The following PLEKHG1 variants were observed in gnomAD, a reference collection of about 807,000 sequenced individuals.
The protein encoded by PLEKHG1 is pleckstrin homology domain-containing family G member 1.
A neutral mutation model predicts 100.8 loss-of-function variants in PLEKHG1; 44 were observed. The observed-to-expected ratio is 0.44, with a 90% CI of 0.34 to 0.56. The LOEUF (loss-of-function observed/expected upper bound fraction) is 0.56. Ranked by LOEUF, PLEKHG1 falls within the 20% of genes least tolerant of loss-of-function variation. PLEKHG1 has a pLI of 0.01. For synonymous variants in PLEKHG1, 640 were observed against 662.5 expected, an observed-to-expected ratio of 0.97 and a Z score of 0.52; for missense variants, 1,545 against 1,720.9, an observed-to-expected ratio of 0.90 and a Z score of 1.81.
chr6:150,609,676 T>C (rs983585024), intron 1 of PLEKHG1, among the ~76,000 whole-genome samples: 1 of 152,128 alleles, frequency 6.6e-6, no homozygotes, highest in African/African-American at 2.4e-5. Context: ...GATGCACAAT[T>C]ACCACTCTGC....
intron 3 of PLEKHG1, among the ~76,000 whole-genome samples, chr6:150,652,807 CAATT>C (rs1748778871): frequency 6.6e-6 from 1 of 151,128 alleles, no homozygotes; most frequent in African/African-American, 2.4e-5. Context: ...TAATCTAAAA[CAATT>C]AAAAGCTTAA....
At chr6:150,624,292 T>G (rs2128558599) in intron 1 of PLEKHG1, among the ~76,000 whole-genome samples, 1 of 152,242 alleles carries the variant, frequency 6.6e-6, no homozygotes, top group Non-Finnish European at 1.5e-5. Context: ...CCTCACACCC[T>G]GCCTATCTCT....
intron 1 of PLEKHG1, among the ~76,000 whole-genome samples, chr6:150,625,143 C>A (rs1209427015): frequency 7.5e-5 from 11 of 146,862 alleles, no homozygotes; most frequent in African/African-American, 1.3e-4. Context: ...GACTCCATCT[C>A]AAAAAAAAAA....
chr6:150,714,667 A>G (rs1054762871), intron 3 of PLEKHG1, among the ~76,000 whole-genome samples: 14 of 152,192 alleles, frequency 9.2e-5, no homozygotes, highest in African/African-American at 3.4e-4. Flanking sequence ...TGGATGACTG[A>G]AGTCCTGGTA....
Position 150,840,602 on chromosome 6 carries a change from T to C in PLEKHG1, c.3864T>C (p.Asp1288=), listed in dbSNP as rs144449618. Residue 1288 remains aspartate, a synonymous_variant, in exon 16 of 16, where the codon GAT becomes GAC. Coordinates refer to ENST00000358517, the Ensembl canonical transcript of PLEKHG1. ...ATGTGGAAATCAAGTCAGAAGAAGA[T>C]GAGTCGGAGTTGGAGCTATCTCACA... 240 of 1,614,074 alleles carry C rather than the reference T, an allele frequency of 1.5e-4. No individual in the cohort carries two copies. In the African/African-American group the frequency reaches 2.2e-3, roughly 15 times the overall value.
chr6:150,611,695 C>T (rs1776834705), intron 1 of PLEKHG1, among the ~76,000 whole-genome samples: 1 of 151,794 alleles, frequency 6.6e-6, no homozygotes, highest in Admixed American at 6.6e-5. Flanking sequence ...GCCTGTAGTC[C>T]CAGCTACTTG....
chr6:150,758,681 G>T (rs1003171988), intron 2 of PLEKHG1, among the ~76,000 whole-genome samples: 6 of 152,196 alleles, frequency 3.9e-5, no homozygotes, highest in Non-Finnish European at 5.9e-5. Flanking sequence ...GCATGAGATG[G>T]TATCTTATTG....
exon 15 of PLEKHG1, chr6:150,832,169 A>G: frequency 1.2e-6 from 2 of 1,606,716 alleles, no homozygotes. Flanking sequence ...CCTGGCTGCC[A>G]TCTTGGAAGA....
intron 2 of PLEKHG1, among the ~76,000 whole-genome samples, chr6:150,639,112 T>C (rs1019773597): frequency 6.6e-6 from 1 of 152,172 alleles, no homozygotes; most frequent in African/African-American, 2.4e-5. Context: ...TAGTATATTT[T>C]AACCCAGCCA....
chr6:150,814,865 G>A (rs1787767640), intron 10 of PLEKHG1, among the ~76,000 whole-genome samples: 1 of 152,004 alleles, frequency 6.6e-6, no homozygotes, highest in South Asian at 2.1e-4. Flanking sequence ...GACTACAGGC[G>A]CACACCACCA....
At chr6:150,832,129 C>T in exon 15 of PLEKHG1, 1 of 1,613,530 alleles carries the variant, frequency 6.2e-7, no homozygotes, top group Non-Finnish European at 8.5e-7. Context: ...AGCCGCCGGC[C>T]AGTCAGCATC....
chr6:150,839,945 G>A (rs760094480), exon 16 of PLEKHG1: 2 of 1,614,050 alleles, frequency 1.2e-6, no homozygotes, highest in Admixed American at 1.7e-5. Flanking sequence ...CCCTCCTGAG[G>A]TCTGTGTCAC....
intron 2 of PLEKHG1, among the ~76,000 whole-genome samples, chr6:150,757,513 T>G (rs149873829): frequency 4.3e-4 from 65 of 152,244 alleles, no homozygotes; most frequent in African/African-American, 1.5e-3. Flanking sequence ...ATGGATGAAG[T>G]GAGAACAGCC....
rs750327962 is a variant in PLEKHG1, at chr6:150,831,805, T to G, written c.2694T>G (p.Ala898=). The change falls in exon 15 of 16, where the codon GCT becomes GCG. Residue 898 remains alanine (A), a synonymous_variant. Transcript: ENST00000358517. This position sits in a 1 kb window ranked among gnomAD's most constrained non-coding sequence, Gnocchi z 4.1. ...CGCTGTCCCTGCCTGAGAGCCAGGC[T>G]CTCCTCACGCCCGTGAAGAGCAGGG... 2 of 1,612,508 alleles carry G rather than the reference T, an allele frequency of 1.2e-6. No individual in the cohort carries two copies. Among genetic ancestry groups the G allele is most frequent in the Non-Finnish European group, 1.7e-6 (2 of 1,179,010 alleles).
intron 3 of PLEKHG1, among the ~76,000 whole-genome samples, chr6:150,778,110 C>G (rs1010581067): frequency 3.9e-5 from 6 of 152,218 alleles, no homozygotes; most frequent in Admixed American, 3.3e-4. Context: ...CCACCAAGCT[C>G]ATTCTATCCT....
chr6:150,717,426 C>T (rs963445474), upstream of PLEKHG1, among the ~76,000 whole-genome samples: 3 of 151,936 alleles, frequency 2.0e-5, no homozygotes, highest in Non-Finnish European at 4.4e-5. Flanking sequence ...TCCTTCCTTC[C>T]ATCTCAGCCT....
intron 4 of PLEKHG1, among the ~76,000 whole-genome samples, chr6:150,792,729 A>G (rs942474561): frequency 1.3e-5 from 2 of 152,136 alleles, no homozygotes; most frequent in Non-Finnish European, 2.9e-5. Context: ...TGTCCACTGA[A>G]AAGTCCCAGA....
intron 1 of PLEKHG1, among the ~76,000 whole-genome samples, chr6:150,613,602 C>T (rs1056471157): frequency 6.6e-5 from 10 of 152,204 alleles, no homozygotes; most frequent in African/African-American, 2.4e-4. Context: ...TAGAAAACAT[C>T]CACTTTCTTC....
intron 3 of PLEKHG1, among the ~76,000 whole-genome samples, chr6:150,771,359 G>T (rs74859535): frequency 6.6e-6 from 1 of 152,036 alleles, no homozygotes; most frequent in Admixed American, 6.5e-5. Context: ...GGAGGTTGCA[G>T]TGAGCCGAGA....
Sources: allele counts gnomAD v4.1 joint callset (sites outside exome capture counted in the v4.1 genomes callset), GRCh38; gene constraint gnomAD v4.1.1; non-coding constraint Gnocchi (gnomAD v3.1); transcripts MANE v1.5; gene names NCBI Gene and HGNC (gene_info 2026-07-23, HGNC 2026-07-21).